CENPE: variants seen among roughly 807,000 people sequenced by gnomAD.
The protein encoded by CENPE is centromere-associated protein E.
A neutral mutation model predicts 336.1 loss-of-function variants in CENPE; 145 were observed. The observed-to-expected ratio is 0.43, with a 90% CI of 0.38 to 0.50. The LOEUF (loss-of-function observed/expected upper bound fraction) is 0.50. CENPE is among the 20% of genes least tolerant of loss of function. The pLI, the probability that CENPE is intolerant of heterozygous loss-of-function variation, is 0.00. For missense variants in CENPE, 2,719 were observed against 3,023.3 expected (o/e 0.90, Z 2.36); for synonymous variants, 1,013 against 984.8 (o/e 1.03, Z -0.54).
At position 103,120,026 on chromosome 4, in the gene CENPE, G is replaced by C. The variant is rs1427494264; in HGVS notation, c.7329+122C>G. The C allele has an allele frequency of 1.2e-5, 8 of 655,690 alleles. No homozygotes were observed. In the Admixed American group the frequency reaches 1.4e-4, roughly 12 times the overall value. The allele number at this position is 655,690 out of a possible 1,614,324, so 40.6% of individuals were successfully genotyped here. ...GCTTCTGCTTGAGTACTGAACTTCAGAAACACATAGGTAACAGTAAGTTGT... is the reference window on the plus strand; with the variant it reads ...GCTTCTGCTTGAGTACTGAACTTCACAAACACATAGGTAACAGTAAGTTGT... On this transcript the variant is annotated intron_variant, in intron 44 of 48. Coordinates refer to ENST00000265148, the MANE Select transcript of CENPE (RefSeq NM_001813.3).
intron 24 of CENPE, among the ~76,000 whole-genome samples, chr4:103,157,840 G>C (rs527563932): frequency 6.6e-6 from 1 of 151,688 alleles, no homozygotes; most frequent in African/African-American, 2.4e-5. Context: ...TAAAATTCTA[G>C]CAGTAAATAC....
chr4:103,158,878 G>T lies in CENPE; in HGVS notation c.2610C>A (p.Tyr870Ter). 1 of 1,594,302 alleles carries T rather than the reference G, an allele frequency of 6.3e-7. No individual in the cohort carries two copies. The highest frequency in any genetic ancestry group is 8.5e-7 in the Non-Finnish European group (1 of 1,174,796). ...TTTTCTCCTGAAGTTCTTGGGTCTT[G>T]TAAGAAAGCTTTAAAAAAGAAAAAG... ...SLGALKTELS[Y>*]KTQELQEKTR... is the part of the protein sequence containing the mutation. Residue 870 changes from tyrosine (Y) to a stop codon, truncating the protein, a stop_gained, in exon 23 of 49, where the codon TAC (tyrosine) becomes TAA (stop). Coordinates refer to ENST00000265148, the MANE Select transcript of CENPE (RefSeq NM_001813.3). LOFTEE classifies it high-confidence loss of function.
At chr4:103,124,380 T>C (rs554740035) in intron 42 of CENPE, among the ~76,000 whole-genome samples, 2 of 152,318 alleles carry the variant, frequency 1.3e-5, no homozygotes, top group South Asian at 4.1e-4. Context: ...AGGATTCATA[T>C]TGATCTGCAA....
chr4:103,139,728 C>T, intron 38 of CENPE, 61 bp downstream of exon 38: 3 of 1,401,028 alleles, frequency 2.1e-6, no homozygotes, highest in Non-Finnish European at 2.9e-6. Context: ...CATTGTAATT[C>T]TTTTCAAAAA....
intron 36 of CENPE, 96 bp downstream of exon 36, chr4:103,140,718 T>C (rs1352361601): frequency 1.0e-6 from 1 of 996,382 alleles, no homozygotes; most frequent in East Asian, 2.4e-5. Context: ...AGATTATTTC[T>C]AGGTTTTAGT....
chr4:103,114,052 G>A (rs1040534505), intron 46 of CENPE, among the ~76,000 whole-genome samples: 3 of 152,110 alleles, frequency 2.0e-5, no homozygotes, highest in East Asian at 1.9e-4. Context: ...AAACAGAATA[G>A]TATTTATTTT....
At position 103,148,884 on chromosome 4, in the gene CENPE, G is replaced by A. The variant is rs79431579; in HGVS notation, c.3803C>T (p.Thr1268Ile). 2.9e-3 allele frequency: 4,613 copies of A among 1,613,464 alleles called. 53 individuals are homozygous for A. In the African/African-American group the frequency reaches 0.035, roughly 12 times the overall value. ...GGTATGGGATTTTTCTAAGTCCTGA[G>A]TATTTATTATTTGAGCTGTCTTCTC... ...VSEKTAQIIN[T>I]QDLEKSHTKL... The change falls in exon 28 of 49, where the codon ACT becomes ATT. Residue 1268 changes from threonine (T) to isoleucine (I), a missense_variant. Thr to Ile is a moderately conservative substitution (Grantham distance 89). Coordinates refer to ENST00000265148, the MANE Select transcript of CENPE (RefSeq NM_001813.3).
intron 23 of CENPE, 75 bp downstream of exon 23, chr4:103,158,539 A>G (rs1754149863): frequency 5.3e-6 from 8 of 1,511,428 alleles, no homozygotes; most frequent in Non-Finnish European, 7.1e-6. Flanking sequence ...ACATAATCAT[A>G]AATAATAAAT....
intron 12 of CENPE, among the ~76,000 whole-genome samples, chr4:103,180,682 C>A (rs1756256171): frequency 6.6e-6 from 1 of 152,152 alleles, no homozygotes; most frequent in African/African-American, 2.4e-5. Flanking sequence ...CATTTCTTCT[C>A]ATGTAACTAT....
At position 103,145,920 on chromosome 4, in the gene CENPE, G is replaced by A. The variant is rs775942647; in HGVS notation, c.4322C>T (p.Ala1441Val). 1.9e-6 allele frequency: 3 copies of A among 1,613,764 alleles called. No individual in the cohort carries two copies. The highest frequency in any genetic ancestry group is 2.5e-6 in the Non-Finnish European group (3 of 1,179,828). ...QESHDEMKSV[A>V]KEKDDLQRLQ... ...CCTCTGTAGGTCATCTTTCTCCTTA[G>A]CTACAGATTTCATTTCATCATGACT... Residue 1441 changes from alanine to valine, a missense_variant, in exon 30 of 49, where the codon GCT (alanine) becomes GTT (valine). Physicochemically the swap from Ala to Val is moderately conservative, Grantham distance 64 (BLOSUM62 0). Coordinates refer to ENST00000265148, the MANE Select transcript of CENPE (RefSeq NM_001813.3).
intron 36 of CENPE, 107 bp downstream of exon 36, chr4:103,140,707 T>TA (rs1752478291): frequency 1.1e-6 from 1 of 888,588 alleles, no homozygotes; most frequent in African/African-American, 1.7e-5. Flanking sequence ...GGTGGACACT[T>TA]AGATTATTTC....
chr4:103,147,640 C>G lies in CENPE; in HGVS notation c.3850G>C (p.Val1284Leu). The change falls in exon 29 of 49, where the codon GTG becomes CTG. Residue 1284 changes from valine to leucine, a missense_variant. Coordinates refer to ENST00000265148, the MANE Select transcript of CENPE (RefSeq NM_001813.3). ...SHTKLQEEIPVLHEEQELLPN... is the reference protein window; with the variant it reads ...SHTKLQEEIPLLHEEQELLPN... ...AGTAACTCTTGTTCCTCATGAAGCACTGGGATCTTAGGACATTCATAAAAT... is the reference window on the plus strand; with the variant it reads ...AGTAACTCTTGTTCCTCATGAAGCAGTGGGATCTTAGGACATTCATAAAAT... The G allele has an allele frequency of 6.2e-7, 1 of 1,609,258 alleles. No homozygotes were observed. The highest frequency in any genetic ancestry group is 8.5e-7 in the Non-Finnish European group (1 of 1,179,018).
intron 2 of CENPE, 75 bp from the exon 3 acceptor site, chr4:103,196,327 T>A: frequency 9.4e-7 from 1 of 1,065,350 alleles, no homozygotes; most frequent in Non-Finnish European, 1.4e-6. Context: ...TCCAAATTAG[T>A]AATTATTCCC....
chr4:103,197,199 A>C lies in CENPE; in HGVS notation c.57-349T>G, dbSNP rs373018559. Among the ~76,000 whole-genome samples, 48 of 152,260 alleles carry C rather than the reference A, an allele frequency of 3.2e-4. No individual in the cohort carries two copies. In the East Asian group the frequency reaches 3.3e-3, roughly 10 times the overall value. ...CAGGGCACGAGTCCTAGATCATGTC[A>C]TTTCTCTCTTCCATTTTCCTCTGAA... On this transcript the variant is annotated intron_variant, in intron 1 of 48. Coordinates refer to ENST00000265148, the MANE Select transcript of CENPE (RefSeq NM_001813.3).
rs144367580 is a variant in CENPE, at chr4:103,119,646, G to A, written c.7329+502C>T. ...CTCGAGTAGAAGAAATGTGGGAAGT[G>A]GCTGGAACTAAAACAAGAGGGAGCT... On this transcript the variant is annotated intron_variant, in intron 44 of 48. Transcript: ENST00000265148. Among the ~76,000 whole-genome samples, 25 of 152,222 alleles carry A rather than the reference G, an allele frequency of 1.6e-4. No homozygotes were observed. The East Asian group carries it at 4.0e-3, about 25-fold the overall frequency.
At position 103,145,222 on chromosome 4, in the gene CENPE, G is replaced by A. The variant is rs747771400; in HGVS notation, c.4685C>T (p.Ser1562Leu). ...CTTACTTTCTATACTTTGTAGTGCT[G>A]AATCCTTGGCTTTGCGATGCTCCTT... ...QFKEHRKAKDSALQSIESKML... is the reference protein window; with the variant it reads ...QFKEHRKAKDLALQSIESKML... The change falls in exon 32 of 49, where the codon TCA becomes TTA. Residue 1562 changes from serine to leucine, a missense_variant. Physicochemically the swap from Ser to Leu is moderately radical, Grantham distance 145. Transcript: ENST00000265148. 1 of 1,613,556 alleles carries A rather than the reference G, an allele frequency of 6.2e-7. No homozygotes were observed. Among genetic ancestry groups the A allele is most frequent in the South Asian group, 1.1e-5 (1 of 91,040 alleles).
In CENPE at chr4:103,158,742, T is replaced by C. The variant is rs1754169272; in HGVS notation, c.2746A>G (p.Lys916Glu). The change falls in exon 23 of 49, where the codon AAA becomes GAA. Residue 916 changes from lysine (K) to glutamate (E), a missense_variant. Lys to Glu is a moderately conservative substitution (Grantham distance 56). Transcript: ENST00000265148. ...ACTTCTTCTAAAGTTTGCTGCAGTT[T>C]CTCAGTAATCAGTGTTTTCTCCCTT... is the stretch of plus-strand genomic sequence containing the variant. ...VEREKTLITE[K>E]LQQTLEEVKT... 1.2e-6 allele frequency: 2 copies of C among 1,613,230 alleles called. No individual in the cohort carries two copies. The highest frequency in any genetic ancestry group is 4.5e-5 in the East Asian group (2 of 44,834).
rs755086890 is a variant in CENPE, at chr4:103,133,773, G to T, written c.6642C>A (p.His2214Gln). ...ATGGTACATCACAATCTTGTTGAAG[G>T]TGCTGTATTTTAATTAGCAATTCCT... ...KQKELLIKIQ[H>Q]LQQDCDVPSR... The change falls in exon 41 of 49, where the codon CAC (histidine) becomes CAA (glutamine). Residue 2214 changes from histidine (H) to glutamine (Q), a missense_variant. Coordinates refer to ENST00000265148, the MANE Select transcript of CENPE (RefSeq NM_001813.3). The T allele has an allele frequency of 6.2e-7, 1 of 1,611,762 alleles. No homozygotes were observed. Among genetic ancestry groups the T allele is most frequent in the African/African-American group, 1.3e-5 (1 of 74,816 alleles).
In CENPE at chr4:103,188,798, A is replaced by G. The variant is rs1473963383; in HGVS notation, c.694-2937T>C. On this transcript the variant is annotated intron_variant, in intron 8 of 48. Transcript: ENST00000265148. ...GGCAAGCAATAACTAAGATCAGAGC[A>G]GAACTGAAGGAGACAGAGACACAAA... Among the ~76,000 whole-genome samples, 6 of 152,360 alleles carry G rather than the reference A, an allele frequency of 3.9e-5. 1 individual carries two copies. Among genetic ancestry groups the G allele is most frequent in the Non-Finnish European group, 1.5e-5 (1 of 68,030 alleles).
Sources: gnomAD v4.1 joint callset for allele counts (sites outside exome capture counted in the v4.1 genomes callset) on GRCh38, gnomAD v4.1.1 for gene constraint, MANE v1.5 for transcripts, NCBI Gene and HGNC (gene_info 2026-07-23, HGNC 2026-07-21) for gene names.